The following TCERG1L variants were observed in gnomAD, a reference collection of about 807,000 sequenced individuals.
The protein encoded by TCERG1L is transcription elongation regulator 1 like.
TCERG1L carries 37 observed loss-of-function variants against 56.3 expected under a neutral mutation model. The observed-to-expected ratio is 0.66, with a 90% confidence interval of 0.51 to 0.87. The LOEUF (loss-of-function observed/expected upper bound fraction) is 0.87. Among genes scored for constraint, TCERG1L ranks in the 40% least tolerant of loss-of-function variants. TCERG1L has a pLI of 0.00. For synonymous variants in TCERG1L, 324 were observed against 326.3 expected (o/e 0.99, Z 0.08); for missense variants, 799 against 774.2 (o/e 1.03, Z -0.38).
At chr10:131,154,819 C>T (rs1016473921) in intron 6 of TCERG1L, among the ~76,000 whole-genome samples, 70 of 152,258 alleles carry the variant, frequency 4.6e-4, no homozygotes, top group Non-Finnish European at 1.9e-4. Flanking sequence ...GACAAGGACA[C>T]GAGCGTGCAA....
chr10:131,204,314 G>A (rs930846056), intron 4 of TCERG1L, among the ~76,000 whole-genome samples: 68 of 152,232 alleles, frequency 4.5e-4, no homozygotes, highest in Non-Finnish European at 8.8e-5. Context: ...TAGAGGAGCG[G>A]GAACAGACTG....
At chr10:131,201,069 C>T (rs1024865225) in intron 4 of TCERG1L, among the ~76,000 whole-genome samples, 4 of 152,140 alleles carry the variant, frequency 2.6e-5, no homozygotes, top group African/African-American at 9.7e-5. Context: ...TGTTAAAGGC[C>T]GTGCCTCTTG....
At chr10:131,160,970 C>A (rs1430549015) in intron 6 of TCERG1L, 1 of 152,148 alleles carries the variant, frequency 6.6e-6, no homozygotes, top group Non-Finnish European at 1.5e-5. Context: ...TCTTGGGGAA[C>A]GTTTCCCCAT....
rs7088377 is a variant in TCERG1L at position 131,092,763 on chromosome 10, A to G, written c.*399T>C. 0.7 allele frequency: 111,220 copies of G among 159,460 alleles called. 40,623 individuals are homozygous for G. The highest frequency in any genetic ancestry group is 0.93 in the African/African-American group (38,673 of 41,682). 9.9% of individuals were successfully genotyped at this position (159,460 alleles called of 1,614,324 possible). ...CCTCAACACTGCGGGAATCCTGGAG[A>G]AACGAAGTAATTCACAAAGGTTTTC... On this transcript the variant is annotated 3_prime_UTR_variant, in exon 12 of 12. Transcript: ENST00000368642.
At chr10:131,161,035 C>T (rs1272218653) in intron 6 of TCERG1L, 1 of 152,236 alleles carries the variant, frequency 6.6e-6, no homozygotes, top group Non-Finnish European at 1.5e-5. Context: ...GAGAGTTTGC[C>T]TGTAGAAGCT....
intron 4 of TCERG1L, among the ~76,000 whole-genome samples, chr10:131,206,714 C>A (rs941242830): frequency 6.6e-6 from 1 of 152,174 alleles, no homozygotes; most frequent in South Asian, 2.1e-4. Flanking sequence ...CAGCTGAGCT[C>A]AGCCAGGGTG....
chr10:131,195,443 C>T (rs912557710), intron 4 of TCERG1L, among the ~76,000 whole-genome samples: 6 of 152,322 alleles, frequency 3.9e-5, no homozygotes, highest in Non-Finnish European at 8.8e-5. Flanking sequence ...AGGAAATCTC[C>T]GCTTTTCAAG....
chr10:131,198,820 C>CA (rs58276420), intron 4 of TCERG1L, among the ~76,000 whole-genome samples: 152,328 of 152,328 alleles, frequency 1, 76,164 homozygotes, highest in Non-Finnish European at 1. Flanking sequence ...GCTTCTTTTG[C>CA]ATCTGGGGTG....
intron 10 of TCERG1L, among the ~76,000 whole-genome samples, chr10:131,102,941 G>A (rs1845317888): frequency 6.6e-6 from 1 of 151,930 alleles, no homozygotes; most frequent in Non-Finnish European, 1.5e-5. Flanking sequence ...TTGGCTCAGG[G>A]ACCTACTTTG....
intron 4 of TCERG1L, among the ~76,000 whole-genome samples, chr10:131,206,241 C>G (rs998406761): frequency 6.6e-6 from 1 of 152,210 alleles, no homozygotes; most frequent in African/African-American, 2.4e-5. Flanking sequence ...CTTGGGTCAC[C>G]AGAAGGGCTG....
At chr10:131,171,704 G>A (rs1846094409) in intron 4 of TCERG1L, among the ~76,000 whole-genome samples, 1 of 152,208 alleles carries the variant, frequency 6.6e-6, no homozygotes, top group Non-Finnish European at 1.5e-5. Flanking sequence ...CCGAGCAGCT[G>A]AGATTACAGG....
intron 3 of TCERG1L, among the ~76,000 whole-genome samples, chr10:131,278,900 A>C (rs1468551101): frequency 1.3e-5 from 2 of 151,312 alleles, no homozygotes; most frequent in Non-Finnish European, 2.9e-5. Context: ...TGACTGCTGG[A>C]CCCCCACAAT....
chr10:131,098,981 C>T (rs1845277600), intron 10 of TCERG1L, among the ~76,000 whole-genome samples: 1 of 152,168 alleles, frequency 6.6e-6, no homozygotes, highest in Admixed American at 6.5e-5. Context: ...CACTTGTGAA[C>T]CTGGGCGTCT....
At chr10:131,215,006 G>A (rs1845655081) in intron 4 of TCERG1L, among the ~76,000 whole-genome samples, 6 of 152,226 alleles carry the variant, frequency 3.9e-5, no homozygotes, top group Admixed American at 3.9e-4. Flanking sequence ...GGAAACAGGG[G>A]CACTCAGAGC....
chr10:131,158,217 C>T (rs1845943730), intron 6 of TCERG1L, among the ~76,000 whole-genome samples: 1 of 152,210 alleles, frequency 6.6e-6, no homozygotes. Context: ...AAACATCACC[C>T]TTCTGCTCTC....
intron 3 of TCERG1L, among the ~76,000 whole-genome samples, chr10:131,295,685 C>T (rs1846682724): frequency 6.6e-6 from 1 of 152,208 alleles, no homozygotes; most frequent in Non-Finnish European, 1.5e-5. Flanking sequence ...GGACAATGCG[C>T]ATATCCATCA....
At chr10:131,231,918 G>A (rs113808237) in intron 4 of TCERG1L, among the ~76,000 whole-genome samples, 10 of 152,284 alleles carry the variant, frequency 6.6e-5, no homozygotes, top group African/African-American at 1.9e-4. Context: ...CCTGCTGAGC[G>A]GGGGCTGATG....
At chr10:131,154,050 T>C (rs552909519) in intron 6 of TCERG1L, among the ~76,000 whole-genome samples, 12 of 152,356 alleles carry the variant, frequency 7.9e-5, no homozygotes, top group Admixed American at 2.0e-4. Context: ...ATTAATTTTA[T>C]GTACCATTTT....
intron 4 of TCERG1L, among the ~76,000 whole-genome samples, chr10:131,238,356 A>C (rs1845936494): frequency 6.6e-6 from 1 of 152,184 alleles, no homozygotes; most frequent in Admixed American, 6.5e-5. Context: ...GTCCTGACGG[A>C]GGAGGTCAGC....
Sources: allele counts gnomAD v4.1 joint callset (sites outside exome capture counted in the v4.1 genomes callset), GRCh38; gene constraint gnomAD v4.1.1; transcripts MANE v1.5; gene names NCBI Gene and HGNC (gene_info 2026-07-23, HGNC 2026-07-21).